The following FGGY variants were observed in gnomAD, a reference collection of about 807,000 sequenced individuals.
The protein encoded by FGGY is FGGY carbohydrate kinase domain-containing protein.
A neutral mutation model predicts 71.3 loss-of-function variants in FGGY; 72 were observed. That is an observed-to-expected ratio of 1.01 (90% CI 0.84 to 1.23). The LOEUF is 1.23. Ranked by LOEUF, FGGY falls within the 50% of genes most tolerant of loss-of-function variation. The probability of loss-of-function intolerance (pLI) is 0.00; values close to 1 mark genes in which losing one functional copy is unlikely to be tolerated. For missense variants in FGGY, 668 were observed against 682.3 expected, an observed-to-expected ratio of 0.98 and a Z score of 0.23; for synonymous variants, 251 against 250.3, an observed-to-expected ratio of 1.00 and a Z score of -0.02.
chr1:59,681,747 G>A (rs1294585694), intron 14 of FGGY, among the ~76,000 whole-genome samples: 1 of 151,760 alleles, frequency 6.6e-6, no homozygotes, highest in African/African-American at 2.4e-5. Flanking sequence ...AGTTAAATCA[G>A]TAATATTCTG....
chr1:59,675,970 T>C (rs2097431547), intron 14 of FGGY, among the ~76,000 whole-genome samples: 1 of 152,098 alleles, frequency 6.6e-6, no homozygotes, highest in African/African-American at 2.4e-5. Flanking sequence ...ACCAGAGAGC[T>C]GGCTTGTTCT....
At chr1:59,762,305 G>A (rs2098349368) in intron 15 of FGGY, among the ~76,000 whole-genome samples, 198 bp from the exon 16 acceptor site, 1 of 152,082 alleles carries the variant, frequency 6.6e-6, no homozygotes, top group African/African-American at 2.4e-5. Flanking sequence ...TTTCTAAATT[G>A]GAGATAATAA....
intron 4 of FGGY, among the ~76,000 whole-genome samples, chr1:59,353,014 C>T (rs1292414133): frequency 6.6e-6 from 1 of 152,142 alleles, no homozygotes; most frequent in Non-Finnish European, 1.5e-5. Flanking sequence ...AGCACTAATA[C>T]AAGATATTGA....
intron 9 of FGGY, among the ~76,000 whole-genome samples, chr1:59,611,716 G>C (rs939819685): frequency 1.3e-5 from 2 of 152,184 alleles, no homozygotes; most frequent in Non-Finnish European, 2.9e-5. Flanking sequence ...AAAGGAGGAA[G>C]TTCGAACCCA....
rs370670509 is a variant in FGGY at position 59,476,318 on chromosome 1, A to T, written c.670+19242A>T. On this transcript the variant is annotated intron_variant, in intron 6 of 15. Coordinates refer to ENST00000303721, the MANE Select transcript of FGGY (RefSeq NM_018291.5). ...ATGCTTTATAGGTATTAACTCGTTT[A>T]ATGCCTTTAACCAGTCTAGACAGGT... is the stretch of plus-strand genomic sequence containing the variant. 5.7e-4 allele frequency among the ~76,000 whole-genome samples: 87 copies of T among 152,362 alleles called. 5 individuals are homozygous for T. In the South Asian group the frequency reaches 0.017, roughly 30 times the overall value.
chr1:59,620,318 C>G (rs2096795295), intron 9 of FGGY, among the ~76,000 whole-genome samples: 1 of 151,926 alleles, frequency 6.6e-6, no homozygotes, highest in South Asian at 2.1e-4. Context: ...AATATGTTGC[C>G]AATCCATCTC....
intron 8 of FGGY, among the ~76,000 whole-genome samples, chr1:59,563,452 A>G (rs2095826381): frequency 6.6e-6 from 1 of 152,176 alleles, no homozygotes; most frequent in Non-Finnish European, 1.5e-5. Flanking sequence ...TGCTACAAAG[A>G]GAATAAAATA....
chr1:59,354,006 G>C (rs2053790044), intron 4 of FGGY, among the ~76,000 whole-genome samples: 1 of 152,082 alleles, frequency 6.6e-6, no homozygotes, highest in Non-Finnish European at 1.5e-5. Flanking sequence ...TAATACATCT[G>C]GTACTTTTCT....
chr1:59,735,924 C>G (rs903270121), intron 14 of FGGY, among the ~76,000 whole-genome samples: 11 of 152,166 alleles, frequency 7.2e-5, no homozygotes, highest in Non-Finnish European at 1.3e-4. Context: ...GACCTTACAC[C>G]CTGATATGGT....
chr1:59,329,662 A>C (rs543406322), intron 2 of FGGY, among the ~76,000 whole-genome samples: 1 of 152,300 alleles, frequency 6.6e-6, no homozygotes, highest in Admixed American at 6.5e-5. Flanking sequence ...CCTTTAGCGT[A>C]AGAATTGTTA....
intron 14 of FGGY, among the ~76,000 whole-genome samples, chr1:59,744,849 G>A (rs1223981275): frequency 6.6e-6 from 1 of 152,230 alleles, no homozygotes; most frequent in Non-Finnish European, 1.5e-5. Flanking sequence ...TCACAGTCCA[G>A]TGGGGAGACG....
chr1:59,643,697 G>A (rs1423819254), intron 11 of FGGY, among the ~76,000 whole-genome samples: 2 of 152,156 alleles, frequency 1.3e-5, no homozygotes, highest in Non-Finnish European at 2.9e-5. Flanking sequence ...TAAGATCAAG[G>A]CTGTCATAAG....
At chr1:59,392,371 G>A (rs1427625852) in intron 5 of FGGY, among the ~76,000 whole-genome samples, 1 of 152,176 alleles carries the variant, frequency 6.6e-6, no homozygotes, top group East Asian at 1.9e-4. Flanking sequence ...TACATCACAA[G>A]ATACAGAAGT....
intron 14 of FGGY, among the ~76,000 whole-genome samples, chr1:59,756,875 C>T (rs1486455778): frequency 1.3e-5 from 2 of 150,146 alleles, no homozygotes; most frequent in Non-Finnish European, 2.9e-5. Flanking sequence ...CCCAGGGGCT[C>T]TCATATTCTG....
At chr1:59,530,559 C>G (rs1191646697) in intron 7 of FGGY, among the ~76,000 whole-genome samples, 1 of 152,118 alleles carries the variant, frequency 6.6e-6, no homozygotes, top group Non-Finnish European at 1.5e-5. Context: ...TTTACCTGAG[C>G]AAGTTAGTAA....
intron 8 of FGGY, among the ~76,000 whole-genome samples, chr1:59,603,634 G>A (rs934344611): frequency 6.6e-6 from 1 of 152,222 alleles, no homozygotes; most frequent in Non-Finnish European, 1.5e-5. Flanking sequence ...GCCTAGCTGA[G>A]AATTGGGCAG....
intron 9 of FGGY, among the ~76,000 whole-genome samples, chr1:59,610,197 T>C (rs1321274825): frequency 6.6e-6 from 1 of 152,218 alleles, no homozygotes; most frequent in African/African-American, 2.4e-5. Context: ...AAGCCTTCCA[T>C]GCATTAGCAA....
At chr1:59,459,996 C>T (rs1273716811) in intron 6 of FGGY, among the ~76,000 whole-genome samples, 2 of 152,010 alleles carry the variant, frequency 1.3e-5, no homozygotes, top group Non-Finnish European at 2.9e-5. Flanking sequence ...ATGTAAATTC[C>T]AAGTCCAGGA....
chr1:59,647,374 G>A (rs1383040255), intron 11 of FGGY, among the ~76,000 whole-genome samples: 1 of 152,178 alleles, frequency 6.6e-6, no homozygotes, highest in Non-Finnish European at 1.5e-5. Flanking sequence ...GTGTTGTGTG[G>A]TGTAGAATTC....
Sources: gnomAD v4.1 joint callset for allele counts (sites outside exome capture counted in the v4.1 genomes callset) on GRCh38, gnomAD v4.1.1 for gene constraint, MANE v1.5 for transcripts, NCBI Gene and HGNC (gene_info 2026-07-23, HGNC 2026-07-21) for gene names.